UST: variants seen among roughly 807,000 people sequenced by gnomAD.
The protein encoded by UST is uronyl 2-sulfotransferase, also known as chondroitin sulfate 2-O-sulfotransferase.
In UST, 21 loss-of-function variants were observed where a neutral mutation model predicts 45.6. The ratio of observed to expected loss-of-function variants is 0.46; its 90% CI spans 0.33 to 0.66. The LOEUF is 0.66. Among genes scored for constraint, UST ranks in the 30% least tolerant of loss-of-function variants. UST has a pLI of 0.02. For synonymous variants in UST, 215 were observed against 200.6 expected (o/e 1.07, Z -0.61); for missense variants, 463 against 512.4 (o/e 0.90, Z 0.93).
chr6:148,787,372 G>A (rs568024997), intron 1 of UST, among the ~76,000 whole-genome samples: 12 of 152,170 alleles, frequency 7.9e-5, no homozygotes, highest in Non-Finnish European at 1.6e-4. Flanking sequence ...TGTATATGGT[G>A]TAAGGAAGGG....
intron 1 of UST, among the ~76,000 whole-genome samples, chr6:148,846,525 C>T (rs913649346): frequency 2.0e-5 from 3 of 151,866 alleles, no homozygotes; most frequent in Non-Finnish European, 4.4e-5. Flanking sequence ...TGCAGCACAC[C>T]AGCATGGCAC....
At chr6:148,858,120 T>C (rs929914559) in intron 1 of UST, among the ~76,000 whole-genome samples, 5 of 152,162 alleles carry the variant, frequency 3.3e-5, no homozygotes, top group Non-Finnish European at 5.9e-5. Context: ...TAGATGTATA[T>C]ATGAAGGGAG....
At chr6:148,970,365 G>A (rs866851025) in intron 5 of UST, among the ~76,000 whole-genome samples, 2 of 152,164 alleles carry the variant, frequency 1.3e-5, no homozygotes, top group Non-Finnish European at 2.9e-5. Context: ...TAGGGTGTCC[G>A]CCCTCACAGC....
At chr6:148,807,906 G>A (rs1012071362) in intron 1 of UST, among the ~76,000 whole-genome samples, 1 of 152,178 alleles carries the variant, frequency 6.6e-6, no homozygotes, top group Non-Finnish European at 1.5e-5. Flanking sequence ...TCACTTTCTA[G>A]CTGAGAAGAA....
intron 2 of UST, among the ~76,000 whole-genome samples, chr6:148,924,126 G>A (rs1479467999): frequency 6.6e-6 from 1 of 152,094 alleles, no homozygotes; most frequent in Non-Finnish European, 1.5e-5. Flanking sequence ...CTAGAAGATG[G>A]GTCAGCAAAC....
intron 1 of UST, among the ~76,000 whole-genome samples, chr6:148,792,736 A>C (rs899557840): frequency 4.6e-5 from 7 of 152,224 alleles, no homozygotes; most frequent in African/African-American, 1.7e-4. Flanking sequence ...TTAATGTTTA[A>C]CACAACATTG....
chr6:148,842,659 A>T lies in UST; in HGVS notation c.248-44327A>T, dbSNP rs146290486. Among the ~76,000 whole-genome samples, 36 of 152,300 alleles carry T rather than the reference A, an allele frequency of 2.4e-4. 1 individual carries two copies. The East Asian group carries it at 3.1e-3, about 13-fold the overall frequency. ...CCAGCAAAGTGGGAATATTATTTAA[A>T]CCATGTACTGCTTTATTTTGCTGGA... On this transcript the variant is annotated intron_variant, in intron 1 of 7. Transcript: ENST00000367463.
At chr6:149,048,557 G>C (rs1195130863) in intron 7 of UST, among the ~76,000 whole-genome samples, 3 of 150,624 alleles carry the variant, frequency 2.0e-5, no homozygotes, top group African/African-American at 7.3e-5. Context: ...AAGAGAGAGA[G>C]AGACACAGTA....
chr6:149,033,604 C>G (rs894564859), intron 7 of UST, among the ~76,000 whole-genome samples: 28 of 152,072 alleles, frequency 1.8e-4, no homozygotes, highest in Admixed American at 2.0e-4. Flanking sequence ...ATAGAAAAAT[C>G]CAACATAATC....
chr6:148,761,845 T>C (rs1776229299), intron 1 of UST, among the ~76,000 whole-genome samples: 1 of 152,218 alleles, frequency 6.6e-6, no homozygotes, highest in African/African-American at 2.4e-5. Flanking sequence ...GGGGTTAACA[T>C]GGGTTACTCT....
intron 2 of UST, among the ~76,000 whole-genome samples, chr6:148,917,272 G>A (rs1779608815): frequency 6.6e-6 from 1 of 152,180 alleles, no homozygotes; most frequent in Admixed American, 6.5e-5. Context: ...TGCCGTGAGG[G>A]CTGGGACTTA....
At chr6:148,840,009 A>G (rs1375590714) in intron 1 of UST, among the ~76,000 whole-genome samples, 2 of 152,130 alleles carry the variant, frequency 1.3e-5, no homozygotes, top group African/African-American at 4.8e-5. Flanking sequence ...TTTGCTAGGT[A>G]TTGAAGGGAA....
chr6:148,786,586 G>A (rs1227758879), intron 1 of UST, among the ~76,000 whole-genome samples: 1 of 152,210 alleles, frequency 6.6e-6, no homozygotes, highest in African/African-American at 2.4e-5. Flanking sequence ...TTTTATGGAT[G>A]CATTGTATTC....
intron 1 of UST, among the ~76,000 whole-genome samples, chr6:148,837,554 A>G (rs1250400592): frequency 2.0e-5 from 3 of 152,210 alleles, no homozygotes; most frequent in Non-Finnish European, 4.4e-5. Context: ...CATTGAACTC[A>G]TTGTTGCATT....
At chr6:148,806,653 A>G (rs1300517154) in intron 1 of UST, among the ~76,000 whole-genome samples, 3 of 152,088 alleles carry the variant, frequency 2.0e-5, no homozygotes, top group African/African-American at 7.2e-5. Context: ...ATGCCTTTCA[A>G]ATTCATTTTT....
intron 7 of UST, among the ~76,000 whole-genome samples, chr6:149,036,677 A>G (rs1236607469): frequency 6.6e-6 from 1 of 152,240 alleles, no homozygotes. Context: ...CATGATGTGA[A>G]TCAAACTACC....
intron 5 of UST, among the ~76,000 whole-genome samples, chr6:148,996,365 C>T (rs754022502): frequency 6.6e-6 from 1 of 152,180 alleles, no homozygotes; most frequent in Non-Finnish European, 1.5e-5. Flanking sequence ...ACTACAGGCA[C>T]TTGCCACCAT....
At chr6:148,951,447 CAATG>C (rs1180330575) in intron 3 of UST, among the ~76,000 whole-genome samples, 1 of 152,148 alleles carries the variant, frequency 6.6e-6, no homozygotes. Flanking sequence ...AATAAGTACT[CAATG>C]AATGATGAGT....
chr6:148,799,143 T>A (rs557136325), intron 1 of UST, among the ~76,000 whole-genome samples: 11 of 152,302 alleles, frequency 7.2e-5, no homozygotes, highest in Non-Finnish European at 1.3e-4. Flanking sequence ...GTGCTGGGAT[T>A]ACAGGCATGA....
Sources: gnomAD v4.1 joint callset for allele counts (sites outside exome capture counted in the v4.1 genomes callset) on GRCh38, gnomAD v4.1.1 for gene constraint, MANE v1.5 for transcripts, NCBI Gene and HGNC (gene_info 2026-07-23, HGNC 2026-07-21) for gene names.